Variants in SDK1 observed in about 807,000 individuals in gnomAD.
The protein encoded by SDK1 is sidekick cell adhesion molecule 1, also known as protein sidekick-1.
A neutral mutation model predicts 245.5 loss-of-function variants in SDK1; 157 were observed. The observed-to-expected ratio is 0.64, with a 90% CI of 0.56 to 0.73. SDK1 has a LOEUF of 0.73. Among genes scored for constraint, SDK1 ranks in the 30% least tolerant of loss-of-function variants. The pLI, the probability that SDK1 is intolerant of heterozygous loss-of-function variation, is 0.00. For synonymous variants in SDK1, 1,647 were observed against 1,278.5 expected, an observed-to-expected ratio of 1.29 and a Z score of -6.15; for missense variants, 3,583 against 3,002.3, an observed-to-expected ratio of 1.19 and a Z score of -4.52.
chr7:4,066,443 CATTTGCTCGTAAGACG>C (rs924896518), intron 19 of SDK1, among the ~76,000 whole-genome samples: 4 of 152,228 alleles, frequency 2.6e-5, no homozygotes, highest in Admixed American at 6.5e-5. Flanking sequence ...TCCTTCCCTC[CATTTGCTCGTAAGACG>C]CCAGCCTCCC....
At chr7:3,828,032 C>A (rs1203825005) in intron 5 of SDK1, among the ~76,000 whole-genome samples, 7 of 152,310 alleles carry the variant, frequency 4.6e-5, no homozygotes, top group Non-Finnish European at 8.8e-5. Context: ...AATCCCAGCA[C>A]TTTGGGAGGC....
chr7:3,971,496 A>G lies in SDK1; in HGVS notation c.1745A>G (p.Asp582Gly). ...NRTSIVHPPE[D>G]HVVIKGTTAT... is the part of the protein sequence containing the mutation. ...ACGTCCATCGTCCACCCTCCTGAGG[A>G]CCACGTGGTGATTAAGGGGACCACG... is the stretch of plus-strand genomic sequence containing the variant. Residue 582 changes from aspartate (D) to glycine (G), a missense_variant, in exon 12 of 45, where the codon GAC becomes GGC. Asp to Gly is a moderately conservative substitution (Grantham distance 94). Transcript: ENST00000404826. 1 of 1,613,344 alleles carries G rather than the reference A, an allele frequency of 6.2e-7. No homozygotes were observed. The highest frequency in any genetic ancestry group is 8.5e-7 in the Non-Finnish European group (1 of 1,179,542).
rs1348852184 is a variant in SDK1, at chr7:4,085,940, A to G, written c.3324+6356A>G. ...TTTACACGATCTCAAAGTCAAAACT[A>G]TTTAAAAAGTGACATTCACAGAAGT... On this transcript the variant is annotated intron_variant, in intron 22 of 44. Coordinates refer to ENST00000404826, the MANE Select transcript of SDK1 (RefSeq NM_152744.4). Among the ~76,000 whole-genome samples, 4 of 152,250 alleles carry G rather than the reference A, an allele frequency of 2.6e-5. No individual in the cohort carries two copies. In the East Asian group the frequency reaches 5.8e-4, roughly 22 times the overall value.
At chr7:3,320,099 T>C (rs1272518215) in intron 1 of SDK1, among the ~76,000 whole-genome samples, 1 of 151,984 alleles carries the variant, frequency 6.6e-6, no homozygotes, top group Non-Finnish European at 1.5e-5. Flanking sequence ...TTCCTCATTC[T>C]CTTCTGATGT....
chr7:4,193,511 A>C (rs1254356920), intron 35 of SDK1, among the ~76,000 whole-genome samples: 1 of 151,432 alleles, frequency 6.6e-6, no homozygotes, highest in East Asian at 1.9e-4. Context: ...AAGGTTCATT[A>C]GAGTTTACAA....
At chr7:4,022,254 A>G (rs781557027) in intron 17 of SDK1, among the ~76,000 whole-genome samples, 4 of 152,254 alleles carry the variant, frequency 2.6e-5, no homozygotes, top group Non-Finnish European at 5.9e-5. Context: ...GAGAGCATGC[A>G]GAAGGCAGGA....
chr7:4,085,874 TTGG>T (rs1192048748), intron 22 of SDK1, among the ~76,000 whole-genome samples: 2 of 152,112 alleles, frequency 1.3e-5, no homozygotes, highest in East Asian at 1.9e-4. Context: ...TTTTAAAAAA[TTGG>T]TGGAGGATTT....
chr7:4,193,099 T>A (rs1326985917), intron 35 of SDK1, among the ~76,000 whole-genome samples: 2 of 135,040 alleles, frequency 1.5e-5, no homozygotes, highest in Non-Finnish European at 3.1e-5. Context: ...AATGTATATA[T>A]AATATAAATA....
intron 4 of SDK1, among the ~76,000 whole-genome samples, chr7:3,785,254 AT>A (rs968430997): frequency 2.7e-5 from 4 of 150,494 alleles, no homozygotes; most frequent in Non-Finnish European, 4.4e-5. Flanking sequence ...GGCAAGAGGA[AT>A]TTTTTTTTTA....
At chr7:3,940,623 G>A (rs1185829756) in intron 5 of SDK1, among the ~76,000 whole-genome samples, 1 of 151,790 alleles carries the variant, frequency 6.6e-6, no homozygotes, top group East Asian at 1.9e-4. Context: ...CACTTTGGGA[G>A]ACCAGCCTGG....
At chr7:3,401,420 T>C (rs1238851124) in intron 1 of SDK1, among the ~76,000 whole-genome samples, 1 of 152,186 alleles carries the variant, frequency 6.6e-6, no homozygotes, top group African/African-American at 2.4e-5. Flanking sequence ...GGTAATATAT[T>C]TTATTCAAAG....
chr7:3,700,857 T>C (rs1323889101), intron 4 of SDK1, among the ~76,000 whole-genome samples: 1 of 152,180 alleles, frequency 6.6e-6, no homozygotes, highest in Non-Finnish European at 1.5e-5. Context: ...CTTATTTCTA[T>C]TTTTTTGGTG....
intron 1 of SDK1, among the ~76,000 whole-genome samples, chr7:3,506,299 C>T (rs1024232967): frequency 4.6e-5 from 7 of 151,998 alleles, no homozygotes; most frequent in African/African-American, 1.7e-4. Flanking sequence ...TGAAGATGTT[C>T]TTCTATTGTC....
intron 5 of SDK1, among the ~76,000 whole-genome samples, chr7:3,844,419 C>A (rs1275690540): frequency 6.6e-6 from 1 of 152,122 alleles, no homozygotes; most frequent in African/African-American, 2.4e-5. Context: ...TCAGACCCAC[C>A]CTAAATTGAA....
At chr7:3,699,319 C>T (rs372724769) in intron 4 of SDK1, among the ~76,000 whole-genome samples, 175 of 152,124 alleles carry the variant, frequency 1.2e-3, no homozygotes, top group African/African-American at 3.8e-3. Flanking sequence ...AGATGTCCGA[C>T]CAGCATTTTA....
intron 1 of SDK1, among the ~76,000 whole-genome samples, chr7:3,403,869 A>ATTATAT (rs1554266408): frequency 1.1e-5 from 1 of 88,902 alleles, no homozygotes; most frequent in African/African-American, 4.5e-5. Context: ...ATATATATAT[A>ATTATAT]ATATATATAT....
At chr7:4,099,346 A>G (rs947417061) in intron 22 of SDK1, among the ~76,000 whole-genome samples, 8 of 147,028 alleles carry the variant, frequency 5.4e-5, no homozygotes, top group African/African-American at 7.5e-5. Context: ...ACACAGGGCC[A>G]TGTGCAGAAG....
At chr7:3,507,037 G>C (rs1457478272) in intron 1 of SDK1, among the ~76,000 whole-genome samples, 1 of 152,088 alleles carries the variant, frequency 6.6e-6, no homozygotes, top group African/African-American at 2.4e-5. Context: ...TCAAGCCGGG[G>C]TTTTGAGTTT....
chr7:4,049,581 G>A (rs1015722495), intron 18 of SDK1, 118 bp downstream of exon 18: 32 of 733,524 alleles, frequency 4.4e-5, no homozygotes, highest in African/African-American at 3.1e-4. Flanking sequence ...GATACAGGGC[G>A]TCTTGACCTT....
Sources: gnomAD v4.1 joint callset for allele counts (sites outside exome capture counted in the v4.1 genomes callset) on GRCh38, gnomAD v4.1.1 for gene constraint, MANE v1.5 for transcripts, NCBI Gene and HGNC (gene_info 2026-07-23, HGNC 2026-07-21) for gene names.